TRIR: variants seen among roughly 807,000 people sequenced by gnomAD.
The protein encoded by TRIR is telomerase RNA component-interacting RNase.
TRIR carries 5 observed loss-of-function variants against 18.2 expected under a neutral mutation model. The observed-to-expected ratio is 0.27, with a 90% CI of 0.14 to 0.58. The LOEUF (loss-of-function observed/expected upper bound fraction) is 0.58. Among genes scored for constraint, TRIR ranks in the 20% least tolerant of loss-of-function variants. TRIR has a pLI of 0.91. For synonymous variants in TRIR, 134 were observed against 114.4 expected (o/e 1.17, Z -1.10); for missense variants, 206 against 252.8 (o/e 0.81, Z 1.25).
chr19:12,732,150 A>G (rs1021488638), intron 1 of TRIR, among the ~76,000 whole-genome samples: 6 of 151,010 alleles, frequency 4.0e-5, no homozygotes, highest in African/African-American at 1.2e-4. Flanking sequence ...AAAAGAAAAG[A>G]AAAAAAGAAC....
intron 1 of TRIR, among the ~76,000 whole-genome samples, chr19:12,733,950 T>C (rs745759065): frequency 1.3e-5 from 2 of 152,354 alleles, no homozygotes; most frequent in East Asian, 1.9e-4. Context: ...GTCTAACACA[T>C]ATAGCTCAGA....
Position 12,731,516 on chromosome 19 carries a change from G to T in TRIR, c.346-95C>A. On this transcript the variant is annotated intron_variant, in intron 1 of 2. Transcript: ENST00000242784. The surrounding 1 kb of genome is among the most constrained non-coding windows in gnomAD (Gnocchi z 5.1). The stretch of plus-strand genomic sequence containing the variant: ...CTACACCTTCCTAGCCCGGCCTGGT[G>T]GCCCGTCCTGACGCCGCGCCCAGCT... 1 of 1,357,734 alleles carries T rather than the reference G, an allele frequency of 7.4e-7. No homozygotes were observed. The highest frequency in any genetic ancestry group is 1.0e-6 in the Non-Finnish European group (1 of 996,056). The allele number at this position is 1,357,734 out of a possible 1,614,324, so 84.1% of individuals were successfully genotyped here. A position where few individuals can be genotyped will look rare whatever the true frequency, so the allele number is the denominator to read the frequency against.
Position 12,734,301 on chromosome 19 carries a change from A to C in TRIR, c.345+12T>G. On this transcript the variant is annotated intron_variant, in intron 1 of 2. Coordinates refer to ENST00000242784, the MANE Select transcript of TRIR (RefSeq NM_024038.4). The surrounding 1 kb of genome is among the most constrained non-coding windows in gnomAD (Gnocchi z 4.1). ...GGCCGTGGCGCCCGCCCCCACCCCCACGGCTCCTTACGAAGCTAAGTGTGG... is the reference window on the plus strand; with the variant it reads ...GGCCGTGGCGCCCGCCCCCACCCCCCCGGCTCCTTACGAAGCTAAGTGTGG... 1 of 1,380,064 alleles carries C rather than the reference A, an allele frequency of 7.2e-7. No individual in the cohort carries two copies. 85.5% of individuals were successfully genotyped at this position (1,380,064 alleles called of 1,614,324 possible). A position where few individuals can be genotyped will look rare whatever the true frequency, so the allele number is the denominator to read the frequency against.
At position 12,730,854 on chromosome 19, in the gene TRIR, C is replaced by T. The variant is rs1967413898; in HGVS notation, c.*107G>A. 1.0e-5 allele frequency: 11 copies of T among 1,050,044 alleles called. No individual in the cohort carries two copies. In the Middle Eastern group the frequency reaches 2.3e-3, roughly 216 times the overall value. 65.0% of individuals were successfully genotyped at this position (1,050,044 alleles called of 1,614,324 possible). On this transcript the variant is annotated 3_prime_UTR_variant, in exon 3 of 3. Transcript: ENST00000242784. Reference sequence around the variant, plus strand: ...CGGCTGCGGGAAGCATCTCGGTTTCCTTCTGCTTTTAAGTCCTCTCAGGGA... The same window carrying T: ...CGGCTGCGGGAAGCATCTCGGTTTCTTTCTGCTTTTAAGTCCTCTCAGGGA...
chr19:12,733,571 A>G (rs576564791), intron 1 of TRIR, among the ~76,000 whole-genome samples: 1 of 152,226 alleles, frequency 6.6e-6, no homozygotes, highest in African/African-American at 2.4e-5. Context: ...TGACAACCAA[A>G]AATGTCTCCA....
In TRIR at chr19:12,731,112, A is replaced by T; in HGVS notation, c.424-44T>A. ...GGTTAGGACGGGGGTGCCAGGAACC[A>T]GGGTCAGGACTGCCCTGAGACAGGT... is the stretch of plus-strand genomic sequence containing the variant. On this transcript the variant is annotated intron_variant, in intron 2 of 2. Coordinates refer to ENST00000242784, the MANE Select transcript of TRIR (RefSeq NM_024038.4). This position sits in a 1 kb window ranked among gnomAD's most constrained non-coding sequence, Gnocchi z 5.1. 1 of 1,536,880 alleles carries T rather than the reference A, an allele frequency of 6.5e-7. No individual in the cohort carries two copies. The highest frequency in any genetic ancestry group is 9.0e-7 in the Non-Finnish European group (1 of 1,110,256).
rs139906319 is a variant in TRIR at position 12,730,960 on chromosome 19, G to A, written c.*1C>T. The A allele has an allele frequency of 1.9e-4, 312 of 1,613,302 alleles. 1 individual carries two copies. In the African/African-American group the frequency reaches 3.2e-3, roughly 17 times the overall value. On this transcript the variant is annotated 3_prime_UTR_variant, in exon 3 of 3. Transcript: ENST00000242784. ...GGCCATGGGCAGGTGGGGGAGGGGC[G>A]TCATTTCACCAGGGGCCGAGTTTTA...
chr19:12,734,517 C>G lies in TRIR; in HGVS notation c.141G>C (p.Ala47=). ...CGCCGCCCGACACCGGGCTCGAACC[C>G]GCGCCCGACACCTCCTCGTCCCCGC... ...PESGDEEVSG[A]GSSPVSGGVN... Residue 47 remains alanine, a synonymous_variant, in exon 1 of 3, where the codon GCG becomes GCC. Coordinates refer to ENST00000242784, the MANE Select transcript of TRIR (RefSeq NM_024038.4). This position sits in a 1 kb window ranked among gnomAD's most constrained non-coding sequence, Gnocchi z 4.1. The G allele has an allele frequency of 3.3e-6, 5 of 1,535,996 alleles. No homozygotes were observed. The highest frequency in any genetic ancestry group is 4.4e-6 in the Non-Finnish European group (5 of 1,143,918).
At position 12,731,509 on chromosome 19, in the gene TRIR, G is replaced by T; in HGVS notation, c.346-88C>A. On this transcript the variant is annotated intron_variant, in intron 1 of 2. Coordinates refer to ENST00000242784, the MANE Select transcript of TRIR (RefSeq NM_024038.4). This position sits in a 1 kb window ranked among gnomAD's most constrained non-coding sequence, Gnocchi z 5.1. ...AGGCCCACTACACCTTCCTAGCCCG[G>T]CCTGGTGGCCCGTCCTGACGCCGCG... 7.1e-7 allele frequency: 1 copy of T among 1,402,644 alleles called. No individual in the cohort carries two copies. The highest frequency in any genetic ancestry group is 1.3e-5 in the South Asian group (1 of 74,656). 86.9% of individuals were successfully genotyped at this position (1,402,644 alleles called of 1,614,324 possible).
Position 12,730,864 on chromosome 19 carries a change from T to G in TRIR, c.*97A>C, listed in dbSNP as rs1224976428. Reference sequence around the variant, plus strand: ...AAGCATCTCGGTTTCCTTCTGCTTTTAAGTCCTCTCAGGGAAGGCTGTCGC... The same window carrying G: ...AAGCATCTCGGTTTCCTTCTGCTTTGAAGTCCTCTCAGGGAAGGCTGTCGC... On this transcript the variant is annotated 3_prime_UTR_variant, in exon 3 of 3. Transcript: ENST00000242784. The G allele has an allele frequency of 8.6e-7, 1 of 1,156,404 alleles. No homozygotes were observed. The highest frequency in any genetic ancestry group is 1.3e-6 in the Non-Finnish European group (1 of 776,956). 71.6% of individuals were successfully genotyped at this position (1,156,404 alleles called of 1,614,324 possible).
At chr19:12,733,160 C>T (rs1967466475) in intron 1 of TRIR, among the ~76,000 whole-genome samples, 1 of 152,150 alleles carries the variant, frequency 6.6e-6, no homozygotes. Flanking sequence ...CCACCCACCT[C>T]GACCTCCCAA....
At chr19:12,733,809 C>A (rs1031928305) in intron 1 of TRIR, among the ~76,000 whole-genome samples, 13 of 152,310 alleles carry the variant, frequency 8.5e-5, no homozygotes, top group Middle Eastern at 3.4e-3. Context: ...CTCACCACTG[C>A]ATACCAGCAC....
rs1444554284 is a variant in TRIR, at chr19:12,734,217, G to A, written c.345+96C>T. ...CCCGGACGGGCCCCTCATTCAGAAC[G>A]GAAAGTGGACTTCGGTCCCGATCCC... On this transcript the variant is annotated intron_variant, in intron 1 of 2. Transcript: ENST00000242784. This position sits in a 1 kb window ranked among gnomAD's most constrained non-coding sequence, Gnocchi z 4.1. 5 of 1,219,944 alleles carry A rather than the reference G, an allele frequency of 4.1e-6. No individual in the cohort carries two copies. The highest frequency in any genetic ancestry group is 1.8e-5 in the South Asian group (1 of 56,374). The allele number at this position is 1,219,944 out of a possible 1,614,324, so 75.6% of individuals were successfully genotyped here.
Position 12,734,386 on chromosome 19 carries a change from G to C in TRIR, c.272C>G (p.Pro91Arg). ...QEEPPPGPQR[P>R]DQSAAAAGPG... ...GCCAGCGGCGGCGGCCGACTGGTCGGGTCGCTGCGGACCCGGGGGCGGCTC... is the reference window on the plus strand; with the variant it reads ...GCCAGCGGCGGCGGCCGACTGGTCGCGTCGCTGCGGACCCGGGGGCGGCTC... The change falls in exon 1 of 3, where the codon CCC (proline) becomes CGC (arginine). Residue 91 changes from proline to arginine, a missense_variant. Around this residue, in one of 2 missense-constraint regions of TRIR, gnomAD observed 172 missense variants for 165.0 expected, o/e 1.04. Transcript: ENST00000242784. This position sits in a 1 kb window ranked among gnomAD's most constrained non-coding sequence, Gnocchi z 4.1. The C allele has an allele frequency of 6.7e-7, 1 of 1,500,818 alleles. No homozygotes were observed. The highest frequency in any genetic ancestry group is 1.3e-5 in the South Asian group (1 of 78,780). 93.0% of individuals were successfully genotyped at this position (1,500,818 alleles called of 1,614,324 possible).
chr19:12,732,610 T>C (rs1222005800), intron 1 of TRIR, among the ~76,000 whole-genome samples: 1 of 151,922 alleles, frequency 6.6e-6, no homozygotes, highest in Non-Finnish European at 1.5e-5. Flanking sequence ...TTTTTTTTTT[T>C]TGGAGACAGA....
chr19:12,734,284 C>A lies in TRIR; in HGVS notation c.345+29G>T. ...CTCCCGCTGCCAAGACAGGCCGTGG[C>A]GCCCGCCCCCACCCCCACGGCTCCT... On this transcript the variant is annotated intron_variant, in intron 1 of 2. Coordinates refer to ENST00000242784, the MANE Select transcript of TRIR (RefSeq NM_024038.4). This position sits in a 1 kb window ranked among gnomAD's most constrained non-coding sequence, Gnocchi z 4.1. The A allele has an allele frequency of 2.9e-6, 4 of 1,381,660 alleles. No individual in the cohort carries two copies. The highest frequency in any genetic ancestry group is 1.6e-5 in the South Asian group (1 of 61,394). 85.6% of individuals were successfully genotyped at this position (1,381,660 alleles called of 1,614,324 possible).
chr19:12,731,163 G>T lies in TRIR; in HGVS notation c.424-95C>A. 1 of 1,297,416 alleles carries T rather than the reference G, an allele frequency of 7.7e-7. No homozygotes were observed. 80.4% of individuals were successfully genotyped at this position (1,297,416 alleles called of 1,614,324 possible). A position where few individuals can be genotyped will look rare whatever the true frequency, so the allele number is the denominator to read the frequency against. ...GACCCATTCCCAGTGTCACCCAGAAGACTCTGGGTTTGAGCTGAAGATTAT... is the reference window on the plus strand; with the variant it reads ...GACCCATTCCCAGTGTCACCCAGAATACTCTGGGTTTGAGCTGAAGATTAT... On this transcript the variant is annotated intron_variant, in intron 2 of 2. Transcript: ENST00000242784. The surrounding 1 kb of genome is among the most constrained non-coding windows in gnomAD (Gnocchi z 5.1).
chr19:12,734,245 T>C lies in TRIR; in HGVS notation c.345+68A>G. On this transcript the variant is annotated intron_variant, in intron 1 of 2. Transcript: ENST00000242784. This position sits in a 1 kb window ranked among gnomAD's most constrained non-coding sequence, Gnocchi z 4.1. The stretch of plus-strand genomic sequence containing the variant: ...AAGTGGACTTCGGTCCCGATCCCCC[T>C]TCACGGGCCCCGACTCCCGCTGCCA... The C allele has an allele frequency of 7.4e-7, 1 of 1,348,168 alleles. No individual in the cohort carries two copies. The allele number at this position is 1,348,168 out of a possible 1,614,324, so 83.5% of individuals were successfully genotyped here. A position where few individuals can be genotyped will look rare whatever the true frequency, so the allele number is the denominator to read the frequency against.
chr19:12,730,922 G>T lies in TRIR; in HGVS notation c.*39C>A, dbSNP rs764247739. 1.9e-6 allele frequency: 3 copies of T among 1,553,656 alleles called. No individual in the cohort carries two copies. The highest frequency in any genetic ancestry group is 1.8e-6 in the Non-Finnish European group (2 of 1,125,392). On this transcript the variant is annotated 3_prime_UTR_variant, in exon 3 of 3. Transcript: ENST00000242784. ...GCTGCATTAAATAGTTATGTACATCGCAGAGAGTCCCAGGCCATGGGCAGG... is the reference window on the plus strand; with the variant it reads ...GCTGCATTAAATAGTTATGTACATCTCAGAGAGTCCCAGGCCATGGGCAGG...
Sources: allele counts gnomAD v4.1 joint callset (sites outside exome capture counted in the v4.1 genomes callset), GRCh38; gene constraint gnomAD v4.1.1; regional missense constraint gnomAD v4.1.1; non-coding constraint Gnocchi (gnomAD v3.1); transcripts MANE v1.5; gene names NCBI Gene and HGNC (gene_info 2026-07-23, HGNC 2026-07-21).